The following DOT1L variants were observed in gnomAD, a reference collection of about 807,000 sequenced individuals.
The protein encoded by DOT1L is DOT1 like histone lysine methyltransferase, also known as histone-lysine N-methyltransferase, H3 lysine-79 specific.
In DOT1L, 33 loss-of-function variants were observed where a neutral mutation model predicts 153.3. That is an observed-to-expected ratio of 0.22 (90% CI 0.16 to 0.29). DOT1L has a LOEUF of 0.29. Among genes scored for constraint, DOT1L ranks in the 10% least tolerant of loss-of-function variants. DOT1L has a pLI of 1.00. For synonymous variants in DOT1L, 1,135 were observed against 965.1 expected, an observed-to-expected ratio of 1.18 and a Z score of -3.26; for missense variants, 1,847 against 2,119.9, an observed-to-expected ratio of 0.87 and a Z score of 2.53.
chr19:2,191,753 C>A lies in DOT1L; in HGVS notation c.493+513C>A, dbSNP rs548024820. ...TGCATCCCCAGTCTCCCTCGGCACC[C>A]CTGCGTCTGGGCCGTGCCCTGCCCC... On this transcript the variant is annotated intron_variant, in intron 5 of 27. Coordinates refer to ENST00000398665, the MANE Select transcript of DOT1L (RefSeq NM_032482.3). This position sits in a 1 kb window ranked among gnomAD's most constrained non-coding sequence, Gnocchi z 6.8. 5.3e-4 allele frequency among the ~76,000 whole-genome samples: 80 copies of A among 152,256 alleles called. No individual in the cohort carries two copies. Among genetic ancestry groups the A allele is most frequent in the African/African-American group, 1.5e-3 (62 of 41,544 alleles).
intron 1 of DOT1L, among the ~76,000 whole-genome samples, chr19:2,176,698 C>T (rs2021954280): frequency 6.6e-6 from 1 of 152,230 alleles, no homozygotes; most frequent in African/African-American, 2.4e-5. Flanking sequence ...GACACTCAAA[C>T]CACAGCTGCA....
At position 2,197,163 on chromosome 19, in the gene DOT1L, G is replaced by A. The variant is rs148671036; in HGVS notation, c.651+2586G>A. Among the ~76,000 whole-genome samples, 353 of 152,298 alleles carry A rather than the reference G, an allele frequency of 2.3e-3. 1 individual carries two copies. The highest frequency in any genetic ancestry group is 7.8e-3 in the African/African-American group (326 of 41,544). On this transcript the variant is annotated intron_variant, in intron 7 of 27. Transcript: ENST00000398665. The surrounding 1 kb of genome is among the most constrained non-coding windows in gnomAD (Gnocchi z 4.1). The stretch of plus-strand genomic sequence containing the variant: ...TTTGGTCTCTGGGTGGCGCTCCCTC[G>A]GCTTCTGTTCTGCTGTCTTTGACCA...
Position 2,217,093 on chromosome 19 carries a change from G to A in DOT1L, c.2544+3G>A, listed in dbSNP as rs761921120. ...CTGGAGAGAAGAGCAGTGAGAAGGT[G>A]CGGGCCGCGACCCCTGCCCCGGGCT... On this transcript the variant is annotated splice_donor_region_variant and intron_variant, in intron 21 of 27. Coordinates refer to ENST00000398665, the MANE Select transcript of DOT1L (RefSeq NM_032482.3). The surrounding 1 kb of genome is among the most constrained non-coding windows in gnomAD (Gnocchi z 7.3). 3.8e-6 allele frequency: 6 copies of A among 1,591,754 alleles called. No homozygotes were observed. Among genetic ancestry groups the A allele is most frequent in the Admixed American group, 1.7e-5 (1 of 58,892 alleles).
rs928632372 is a variant in DOT1L at position 2,208,772 on chromosome 19, C to T, written c.964-163C>T. 3.3e-5 allele frequency among the ~76,000 whole-genome samples: 5 copies of T among 152,120 alleles called. No individual in the cohort carries two copies. Among genetic ancestry groups the T allele is most frequent in the African/African-American group, 4.8e-5 (2 of 41,394 alleles). ...TGGCCACAGCTGGGTTAGTCACATCCGCGTTTGCCACTGGGGGGCTCTAGC... is the reference window on the plus strand; with the variant it reads ...TGGCCACAGCTGGGTTAGTCACATCTGCGTTTGCCACTGGGGGGCTCTAGC... On this transcript the variant is annotated intron_variant, in intron 11 of 27. Coordinates refer to ENST00000398665, the MANE Select transcript of DOT1L (RefSeq NM_032482.3). This position sits in a 1 kb window ranked among gnomAD's most constrained non-coding sequence, Gnocchi z 4.4.
At chr19:2,185,222 T>G (rs2022437661) in intron 2 of DOT1L, among the ~76,000 whole-genome samples, 1 of 152,142 alleles carries the variant, frequency 6.6e-6, no homozygotes, top group Non-Finnish European at 1.5e-5. Flanking sequence ...CTTTAGTTTC[T>G]AGTCAGTCAG....
chr19:2,170,012 C>G (rs1403259323), intron 1 of DOT1L, among the ~76,000 whole-genome samples: 1 of 152,108 alleles, frequency 6.6e-6, no homozygotes, highest in Non-Finnish European at 1.5e-5. Flanking sequence ...CAAAAATTAG[C>G]TGGGCGTGGT....
chr19:2,228,416 A>G (rs2024459123), intron 27 of DOT1L: 1 of 1,250,124 alleles, frequency 8.0e-7, no homozygotes, highest in Admixed American at 2.7e-5. Flanking sequence ...GGCTCACTCC[A>G]GACACTGAAC....
chr19:2,219,400 C>T (rs1451485416), intron 22 of DOT1L, among the ~76,000 whole-genome samples: 6 of 152,246 alleles, frequency 3.9e-5, no homozygotes, highest in Admixed American at 2.0e-4. Context: ...ACTCCCTAGT[C>T]GTCCCCCAGC....
chr19:2,214,092 T>C lies in DOT1L; in HGVS notation c.1797+106T>C, dbSNP rs1454397747. ...GGCTCTGGAAGGCCCGCCTCTGTTG[T>C]GGGGTTTGTTCCCAGACGAATTGCG... On this transcript the variant is annotated intron_variant, in intron 18 of 27. Coordinates refer to ENST00000398665, the MANE Select transcript of DOT1L (RefSeq NM_032482.3). 5 of 1,479,686 alleles carry C rather than the reference T, an allele frequency of 3.4e-6. No homozygotes were observed. In the East Asian group the frequency reaches 1.2e-4, roughly 37 times the overall value. 91.7% of individuals were successfully genotyped at this position (1,479,686 alleles called of 1,614,324 possible).
At chr19:2,183,256 C>T (rs894226486) in intron 2 of DOT1L, among the ~76,000 whole-genome samples, 8 of 152,200 alleles carry the variant, frequency 5.3e-5, no homozygotes, top group African/African-American at 9.7e-5. Context: ...CTGCAACTTC[C>T]ACCTCCCAGG....
chr19:2,170,401 C>A (rs1422243449), intron 1 of DOT1L, among the ~76,000 whole-genome samples: 3 of 152,164 alleles, frequency 2.0e-5, no homozygotes, highest in Non-Finnish European at 4.4e-5. Context: ...CTGTTTTTAT[C>A]TTCCAGCAGT....
chr19:2,219,654 A>G (rs1272369844), intron 22 of DOT1L, among the ~76,000 whole-genome samples: 5 of 152,140 alleles, frequency 3.3e-5, no homozygotes, highest in Admixed American at 2.0e-4. Flanking sequence ...CGGTCACTCT[A>G]CTGACCTTTG....
chr19:2,201,815 G>C (rs917775846), intron 8 of DOT1L, among the ~76,000 whole-genome samples: 1 of 152,260 alleles, frequency 6.6e-6, no homozygotes, highest in Non-Finnish European at 1.5e-5. Context: ...TCGCTGCCTT[G>C]TCAGGCAGCC....
intron 7 of DOT1L, among the ~76,000 whole-genome samples, chr19:2,199,628 G>A (rs2144778238): frequency 6.6e-6 from 1 of 152,284 alleles, no homozygotes; most frequent in Non-Finnish European, 1.5e-5. Flanking sequence ...GGCTGGGCCT[G>A]GCCTCCCCAA....
In DOT1L at chr19:2,213,844, C is replaced by T. The variant is rs2023802860; in HGVS notation, c.1660-5C>T. 1.2e-6 allele frequency: 2 copies of T among 1,612,964 alleles called. No individual in the cohort carries two copies. The highest frequency in any genetic ancestry group is 1.3e-5 in the African/African-American group (1 of 74,946). ...CATGACCTCTCCCCCGCCCCATGTC[C>T]CCAGCTGGGTGTGAAGGCGCTGACC... On this transcript the variant is annotated splice_polypyrimidine_tract_variant and splice_region_variant and intron_variant, in intron 17 of 27. Transcript: ENST00000398665.
intron 2 of DOT1L, among the ~76,000 whole-genome samples, chr19:2,184,325 A>G (rs532573041): frequency 2.6e-4 from 39 of 152,164 alleles, no homozygotes; most frequent in African/African-American, 9.2e-4. Flanking sequence ...GAGAGGCACC[A>G]ATAATCACAG....
Position 2,208,883 on chromosome 19 carries a change from C to G in DOT1L, c.964-52C>G. ...TGTTACCTGGGTGTCCAGACAAATC[C>G]GAACAGAGATTGGGACTCCCTTCTA... On this transcript the variant is annotated intron_variant, in intron 11 of 27. Transcript: ENST00000398665. The surrounding 1 kb of genome is among the most constrained non-coding windows in gnomAD (Gnocchi z 4.4). The G allele has an allele frequency of 1.3e-6, 2 of 1,586,996 alleles. No homozygotes were observed. The highest frequency in any genetic ancestry group is 2.2e-5 in the East Asian group (1 of 44,568).
intron 17 of DOT1L, 25 bp from the exon 18 acceptor site, chr19:2,213,824 C>A: frequency 6.2e-7 from 1 of 1,612,512 alleles, no homozygotes; most frequent in Non-Finnish European, 8.5e-7. Context: ...ACCAGCATGA[C>A]CTCTCCCCCG....
chr19:2,210,289 G>A, intron 12 of DOT1L, 111 bp from the exon 13 acceptor site: 1 of 964,922 alleles, frequency 1.0e-6, no homozygotes, highest in Non-Finnish European at 1.5e-6. Flanking sequence ...ACTTGCAGTG[G>A]ACAGAGTTGG....
Sources: allele counts gnomAD v4.1 joint callset (sites outside exome capture counted in the v4.1 genomes callset), GRCh38; gene constraint gnomAD v4.1.1; non-coding constraint Gnocchi (gnomAD v3.1); transcripts MANE v1.5; gene names NCBI Gene and HGNC (gene_info 2026-07-23, HGNC 2026-07-21).